SYTL1: variants seen among roughly 807,000 people sequenced by gnomAD.
SYTL1 encodes synaptotagmin like 1, also known as synaptotagmin-like protein 1.
SYTL1 carries 53 observed loss-of-function variants against 74.6 expected under a neutral mutation model. The ratio of observed to expected loss-of-function variants is 0.71; its 90% CI spans 0.57 to 0.89. The LOEUF is 0.89. Among genes scored for constraint, SYTL1 ranks in the 40% least tolerant of loss-of-function variants. The probability of loss-of-function intolerance (pLI) is 0.00; values close to 1 mark genes in which losing one functional copy is unlikely to be tolerated. For missense variants in SYTL1, 728 were observed against 768.7 expected (o/e 0.95, Z 0.63); for synonymous variants, 329 against 324.9 (o/e 1.01, Z -0.14).
At position 27,350,072 on chromosome 1, in the gene SYTL1, TGC is replaced by T; in HGVS notation, c.852_853del (p.Val285AlafsTer28). ...CACTACGAGCCGGGCGCCGCCGAGC[TGC>T]GCGTGCACGTGATCCAGTGCCAGGG... On this transcript the variant is annotated frameshift_variant, in exon 9 of 15. Transcript: ENST00000616558. LOFTEE classifies it high-confidence loss of function. The surrounding 1 kb of genome is among the most constrained non-coding windows in gnomAD (Gnocchi z 6.3). 1 of 1,500,000 alleles carries T rather than the reference TGC, an allele frequency of 6.7e-7. No homozygotes were observed. The highest frequency in any genetic ancestry group is 8.8e-7 in the Non-Finnish European group (1 of 1,131,174). The allele number at this position is 1,500,000 out of a possible 1,614,324, so 92.9% of individuals were successfully genotyped here. A position where few individuals can be genotyped will look rare whatever the true frequency, so the allele number is the denominator to read the frequency against.
chr1:27,353,556 C>A, intron 14 of SYTL1, 68 bp downstream of exon 14: 1 of 1,541,852 alleles, frequency 6.5e-7, no homozygotes. Flanking sequence ...CAGTGTGTGG[C>A]CCTGGATACC....
At position 27,344,074 on chromosome 1, in the gene SYTL1, G is replaced by A. The variant is rs139982208; in HGVS notation, c.-38-1223G>A. 3.7e-4 allele frequency among the ~76,000 whole-genome samples: 56 copies of A among 152,024 alleles called. 1 individual carries two copies. The East Asian group carries it at 0.011, about 29-fold the overall frequency. The stretch of plus-strand genomic sequence containing the variant: ...GCTTCCCAAGTAGCTGGAATTACAG[G>A]CATGTACCACCATGCCCAGCTAATT... On this transcript the variant is annotated intron_variant, in intron 1 of 14. Transcript: ENST00000616558.
rs199946449 is a variant in SYTL1 at position 27,353,471 on chromosome 1, G to A, written c.1532G>A (p.Arg511His). Residue 511 changes from arginine to histidine, a missense_variant, in exon 14 of 15, where the codon CGC (arginine) becomes CAC (histidine). Coordinates refer to ENST00000616558, the MANE Select transcript of SYTL1 (RefSeq NM_001193308.2). Reference protein sequence around the residue: ...ALANRQLGGTRLSLGTGSSYG... With the variant: ...ALANRQLGGTHLSLGTGSSYG... ...GCCAACCGCCAGCTGGGGGGCACAC[G>A]CCTCAGCCTGGGCACCGGTAAGTGG... 6.9e-6 allele frequency: 11 copies of A among 1,602,632 alleles called. No individual in the cohort carries two copies. In the East Asian group the frequency reaches 9.0e-5, roughly 13 times the overall value.
At chr1:27,346,935 T>C (rs1007938762) in intron 2 of SYTL1, among the ~76,000 whole-genome samples, 1 of 151,246 alleles carries the variant, frequency 6.6e-6, no homozygotes, top group African/African-American at 2.4e-5. Flanking sequence ...CTGGGCAACA[T>C]GGAAAAGCCC....
chr1:27,345,518 C>A lies in SYTL1; in HGVS notation c.184C>A (p.Arg62=), dbSNP rs140755424. 1.9e-5 allele frequency: 30 copies of A among 1,551,022 alleles called. No homozygotes were observed. The African/African-American group carries it at 3.8e-4, about 20-fold the overall frequency. The part of the protein sequence containing the change: ...DARLRQLEEG[R]VSKLRASVAD... ...CCGCCTGCGCCAGCTGGAGGAGGGG[C>A]GGGTCAGGTAAGGCAGGGCAGACCC... Residue 62 remains arginine, a synonymous_variant, in exon 2 of 15, where the codon CGG becomes AGG. Transcript: ENST00000616558. This position sits in a 1 kb window ranked among gnomAD's most constrained non-coding sequence, Gnocchi z 6.0.
chr1:27,351,100 G>T lies in SYTL1; in HGVS notation c.1164+148G>T, dbSNP rs144714876. 2.3e-6 allele frequency: 3 copies of T among 1,320,508 alleles called. No homozygotes were observed. Among genetic ancestry groups the T allele is most frequent in the Non-Finnish European group, 3.1e-6 (3 of 973,022 alleles). 81.8% of individuals were successfully genotyped at this position (1,320,508 alleles called of 1,614,324 possible). A position where few individuals can be genotyped will look rare whatever the true frequency, so the allele number is the denominator to read the frequency against. On this transcript the variant is annotated intron_variant, in intron 11 of 14. Coordinates refer to ENST00000616558, the MANE Select transcript of SYTL1 (RefSeq NM_001193308.2). This position sits in a 1 kb window ranked among gnomAD's most constrained non-coding sequence, Gnocchi z 5.0. The stretch of plus-strand genomic sequence containing the variant: ...TCATGGCCCCAGGCGAAGCCCGGCC[G>T]GCCACGGCCCCTTCCCCGAGGGCGC...
chr1:27,345,431 G>C lies in SYTL1; in HGVS notation c.97G>C (p.Asp33His). ...GPKPETEGLL[D>H]LSFLTEEEQE... is the part of the protein sequence containing the mutation. ...AAAGCCTGAGACTGAAGGACTGTTG[G>C]ACCTCAGCTTCCTGACAGAGGAGGA... The change falls in exon 2 of 15, where the codon GAC becomes CAC. Residue 33 changes from aspartate to histidine, a missense_variant. Coordinates refer to ENST00000616558, the MANE Select transcript of SYTL1 (RefSeq NM_001193308.2). This position sits in a 1 kb window ranked among gnomAD's most constrained non-coding sequence, Gnocchi z 6.0. 6.4e-7 allele frequency: 1 copy of C among 1,562,900 alleles called. No homozygotes were observed. Among genetic ancestry groups the C allele is most frequent in the South Asian group, 1.2e-5 (1 of 84,772 alleles).
At position 27,347,627 on chromosome 1, in the gene SYTL1, T is replaced by C. The variant is rs2015058480; in HGVS notation, c.340+58T>C. ...TGTGCCGTCCAGGGCGCTGGCTGTA[T>C]GTGGACAGGGAGAGAGGACCACTAG... On this transcript the variant is annotated intron_variant, in intron 3 of 14. Transcript: ENST00000616558. The surrounding 1 kb of genome is among the most constrained non-coding windows in gnomAD (Gnocchi z 4.9). The C allele has an allele frequency of 1.9e-6, 3 of 1,592,592 alleles. No homozygotes were observed. The highest frequency in any genetic ancestry group is 1.7e-6 in the Non-Finnish European group (2 of 1,168,314).
Position 27,350,698 on chromosome 1 carries a change from A to T in SYTL1, c.1006-96A>T. 1 of 1,450,526 alleles carries T rather than the reference A, an allele frequency of 6.9e-7. No homozygotes were observed. The highest frequency in any genetic ancestry group is 1.3e-5 in the South Asian group (1 of 78,732). The allele number at this position is 1,450,526 out of a possible 1,614,324, so 89.9% of individuals were successfully genotyped here. ...CTTAGGGGCTCCCCAGAATTCCATC[A>T]TGGTAGGAACGCGGTAGGACCTGCC... On this transcript the variant is annotated intron_variant, in intron 10 of 14. Coordinates refer to ENST00000616558, the MANE Select transcript of SYTL1 (RefSeq NM_001193308.2). The surrounding 1 kb of genome is among the most constrained non-coding windows in gnomAD (Gnocchi z 6.3).
At chr1:27,349,813 C>T (rs887550624) in intron 8 of SYTL1, 48 bp downstream of exon 8, 1 of 1,551,916 alleles carries the variant, frequency 6.4e-7, no homozygotes, top group African/African-American at 1.4e-5. Flanking sequence ...TGGACCCGTT[C>T]CGATGCGTAG....
Position 27,348,746 on chromosome 1 carries a change from A to T in SYTL1, c.460-334A>T, listed in dbSNP as rs1399240302. Among the ~76,000 whole-genome samples the T allele has an allele frequency of 1.3e-5, 2 of 152,188 alleles. No individual in the cohort carries two copies. Among genetic ancestry groups the T allele is most frequent in the Non-Finnish European group, 2.9e-5 (2 of 68,030 alleles). On this transcript the variant is annotated intron_variant, in intron 5 of 14. Transcript: ENST00000616558. This position sits in a 1 kb window ranked among gnomAD's most constrained non-coding sequence, Gnocchi z 4.1. ...AAGAATAAATTTAAAAAAAGAAAAA[A>T]GGTTGTCTACCAATGGGTCAATATA... is the stretch of plus-strand genomic sequence containing the variant.
intron 8 of SYTL1, 86 bp from the exon 9 acceptor site, chr1:27,349,886 G>C: frequency 5.2e-6 from 8 of 1,538,584 alleles, no homozygotes; most frequent in Non-Finnish European, 7.0e-6. Context: ...TGCCACCTAT[G>C]ACCCGGGTCT....
Position 27,349,759 on chromosome 1 carries a change from C to T in SYTL1, c.741C>T (p.Ser247=). 1 of 1,601,084 alleles carries T rather than the reference C, an allele frequency of 6.2e-7. No homozygotes were observed. Among genetic ancestry groups the T allele is most frequent in the Non-Finnish European group, 8.5e-7 (1 of 1,177,802 alleles). Residue 247 remains serine, a synonymous_variant, in exon 8 of 15, where the codon TCC becomes TCT. Transcript: ENST00000616558. ...SSSSSVSSLN[S]STLSGSQMSL... is the part of the protein sequence containing the mutation. Reference sequence around the variant, plus strand: ...GCTCCTCGGTGTCCAGCCTTAACTCCTCCACGGTGAGGCGGGAGGGAGGGG... The same window carrying T: ...GCTCCTCGGTGTCCAGCCTTAACTCTTCCACGGTGAGGCGGGAGGGAGGGG...
At chr1:27,352,795 A>T (rs1452480153) in intron 13 of SYTL1, 3 of 147,508 alleles carry the variant, frequency 2.0e-5, no homozygotes, top group African/African-American at 7.8e-5. Context: ...GGCTATTATT[A>T]TTTTTTTTAA....
chr1:27,345,473 G>A lies in SYTL1; in HGVS notation c.139G>A (p.Gly47Ser). ...AGAGGAGGAGCAGGAGGCCATTGCT[G>A]GCGTCCTCCAACGAGATGCCCGCCT... ...LTEEEQEAIA[G>S]VLQRDARLRQ... The change falls in exon 2 of 15, where the codon GGC becomes AGC. Residue 47 changes from glycine to serine, a missense_variant. By Grantham distance (56) the Gly-to-Ser change is moderately conservative. Coordinates refer to ENST00000616558, the MANE Select transcript of SYTL1 (RefSeq NM_001193308.2). This position sits in a 1 kb window ranked among gnomAD's most constrained non-coding sequence, Gnocchi z 6.0. 1 of 1,560,964 alleles carries A rather than the reference G, an allele frequency of 6.4e-7. No individual in the cohort carries two copies. Among genetic ancestry groups the A allele is most frequent in the Non-Finnish European group, 8.7e-7 (1 of 1,151,778 alleles).
Position 27,351,149 on chromosome 1 carries a change from G to A in SYTL1, c.1165-109G>A. 1.4e-6 allele frequency: 2 copies of A among 1,396,100 alleles called. No homozygotes were observed. Among genetic ancestry groups the A allele is most frequent in the African/African-American group, 1.4e-5 (1 of 69,578 alleles). 86.5% of individuals were successfully genotyped at this position (1,396,100 alleles called of 1,614,324 possible). A position where few individuals can be genotyped will look rare whatever the true frequency, so the allele number is the denominator to read the frequency against. ...GCTAGGACCCCTAGGTTCTGCCCCT[G>A]CAGGCCCCGCCGTCTCTTCTAGCCG... On this transcript the variant is annotated intron_variant, in intron 11 of 14. Coordinates refer to ENST00000616558, the MANE Select transcript of SYTL1 (RefSeq NM_001193308.2). The surrounding 1 kb of genome is among the most constrained non-coding windows in gnomAD (Gnocchi z 5.0).
Position 27,350,306 on chromosome 1 carries a change from C to A in SYTL1, c.909-83C>A. On this transcript the variant is annotated intron_variant, in intron 9 of 14. Transcript: ENST00000616558. The surrounding 1 kb of genome is among the most constrained non-coding windows in gnomAD (Gnocchi z 6.3). ...CTTAGCACGAGGCCTGGCACGTGTTCGGGATGGTGGCTGGGGGAGCCCACA... is the reference window on the plus strand; with the variant it reads ...CTTAGCACGAGGCCTGGCACGTGTTAGGGATGGTGGCTGGGGGAGCCCACA... 1 of 1,504,814 alleles carries A rather than the reference C, an allele frequency of 6.6e-7. No homozygotes were observed. Among genetic ancestry groups the A allele is most frequent in the Non-Finnish European group, 9.3e-7 (1 of 1,080,726 alleles). 93.2% of individuals were successfully genotyped at this position (1,504,814 alleles called of 1,614,324 possible).
intron 8 of SYTL1, 38 bp downstream of exon 8, chr1:27,349,803 T>TG: frequency 6.4e-7 from 1 of 1,557,920 alleles, no homozygotes. Context: ...GGCCGGGGGG[T>TG]GGACCCGTTC....
Position 27,350,056 on chromosome 1 carries a change from C to A in SYTL1, c.832C>A (p.Pro278Thr). The change falls in exon 9 of 15, where the codon CCG (proline) becomes ACG (threonine). Residue 278 changes from proline (P) to threonine (T), a missense_variant. Physicochemically the swap from Pro to Thr is conservative, Grantham distance 38. Transcript: ENST00000616558. The surrounding 1 kb of genome is among the most constrained non-coding windows in gnomAD (Gnocchi z 6.3). ...CGTGCACTTCGCGCTGCACTACGAG[C>A]CGGGCGCCGCCGAGCTGCGCGTGCA... The part of the protein sequence containing the change: ...GSVHFALHYE[P>T]GAAELRVHVI... 1 of 1,510,590 alleles carries A rather than the reference C, an allele frequency of 6.6e-7. No homozygotes were observed. The highest frequency in any genetic ancestry group is 8.8e-7 in the Non-Finnish European group (1 of 1,137,920). 93.6% of individuals were successfully genotyped at this position (1,510,590 alleles called of 1,614,324 possible). A position where few individuals can be genotyped will look rare whatever the true frequency, so the allele number is the denominator to read the frequency against.
Sources: gnomAD v4.1 joint callset for allele counts (sites outside exome capture counted in the v4.1 genomes callset) on GRCh38, gnomAD v4.1.1 for gene constraint, Gnocchi (gnomAD v3.1) non-coding constraint, MANE v1.5 for transcripts, NCBI Gene and HGNC (gene_info 2026-07-23, HGNC 2026-07-21) for gene names.